Variants in ANO10 observed in about 807,000 individuals in gnomAD.
The protein encoded by ANO10 is anoctamin 10, also known as anoctamin-10.
In ANO10, 77 loss-of-function variants were observed where a neutral mutation model predicts 74.7. The observed-to-expected ratio is 1.03, with a 90% CI of 0.86 to 1.25. ANO10 has a LOEUF of 1.25. Among genes scored for constraint, ANO10 ranks in the 50% most tolerant of loss-of-function variants. The pLI is 0.00. For synonymous variants in ANO10, 279 were observed against 284.9 expected, an observed-to-expected ratio of 0.98 and a Z score of 0.21; for missense variants, 721 against 778.1, an observed-to-expected ratio of 0.93 and a Z score of 0.87.
rs138231435 is a variant in ANO10 at position 43,395,315 on chromosome 3, C to T, written c.1915-28341G>A. ...GTCATTTATCGATTTGTGGATCATA[C>T]GTTTATGGATCATACTTTAGGAATT... On this transcript the variant is annotated intron_variant, in intron 12 of 12. Coordinates refer to ENST00000292246, the MANE Select transcript of ANO10 (RefSeq NM_018075.5). Among the ~76,000 whole-genome samples the T allele has an allele frequency of 5.3e-3, 807 of 152,186 alleles. 13 individuals are homozygous for T. Among genetic ancestry groups the T allele is most frequent in the Admixed American group, 0.013 (206 of 15,286 alleles).
intron 11 of ANO10, among the ~76,000 whole-genome samples, chr3:43,435,976 C>T (rs775484315): frequency 1.2e-4 from 18 of 152,130 alleles, no homozygotes; most frequent in South Asian, 4.1e-4. Flanking sequence ...AGAAAGGAGC[C>T]AATATTGTCT....
intron 9 of ANO10, among the ~76,000 whole-genome samples, chr3:43,558,742 G>A (rs1185614628): frequency 6.6e-6 from 1 of 152,118 alleles, no homozygotes; most frequent in Non-Finnish European, 1.5e-5. Context: ...TTCATGCATA[G>A]GAAACAATCA....
At chr3:43,544,491 A>T (rs1054555219) in intron 11 of ANO10, among the ~76,000 whole-genome samples, 4 of 151,096 alleles carry the variant, frequency 2.6e-5, no homozygotes, top group Non-Finnish European at 5.9e-5. Context: ...ATCAAGCTTT[A>T]AAAAAAAATG....
At chr3:43,668,332 C>A (rs2084016607) in intron 1 of ANO10, among the ~76,000 whole-genome samples, 3 of 149,968 alleles carry the variant, frequency 2.0e-5, no homozygotes. Flanking sequence ...GATATTAGTT[C>A]TTCGTTAGAT....
chr3:43,391,814 C>G (rs890648194), intron 12 of ANO10, among the ~76,000 whole-genome samples: 1 of 152,176 alleles, frequency 6.6e-6, no homozygotes, highest in Non-Finnish European at 1.5e-5. Flanking sequence ...CAGCCATCAC[C>G]TTGACTGTGG....
chr3:43,394,430 T>C (rs977370369), intron 12 of ANO10, among the ~76,000 whole-genome samples: 12 of 152,132 alleles, frequency 7.9e-5, no homozygotes, highest in African/African-American at 2.9e-4. Context: ...CACCCTCACC[T>C]CTTGACCCTA....
At chr3:43,449,562 C>T (rs539324690) in intron 11 of ANO10, among the ~76,000 whole-genome samples, 1 of 126,026 alleles carries the variant, frequency 7.9e-6, no homozygotes. Context: ...TGTTACAGCA[C>T]CCTTTGTTGA....
At chr3:43,436,237 A>G (rs1162557048) in intron 11 of ANO10, among the ~76,000 whole-genome samples, 1 of 152,120 alleles carries the variant, frequency 6.6e-6, no homozygotes, top group Non-Finnish European at 1.5e-5. Flanking sequence ...TCTGAGAAAG[A>G]AAAAAAACCA....
chr3:43,561,232 C>A lies in ANO10; in HGVS notation c.1464G>T (p.Met488Ile). The stretch of plus-strand genomic sequence containing the variant: ...TATTCCAACTTACCAAATAAGTTCC[C>A]ATTTCTTTTTCCAGGATGACTTGTT... Reference protein sequence around the residue: ...LYEQVILEKEMGTYLGTFDDY... With the variant: ...LYEQVILEKEIGTYLGTFDDY... Residue 488 changes from methionine to isoleucine, a missense_variant, in exon 9 of 13, where the codon ATG (methionine) becomes ATT (isoleucine). Coordinates refer to ENST00000292246, the MANE Select transcript of ANO10 (RefSeq NM_018075.5). The A allele has an allele frequency of 1.2e-6, 2 of 1,614,106 alleles. No homozygotes were observed. Among genetic ancestry groups the A allele is most frequent in the South Asian group, 1.1e-5 (1 of 91,074 alleles).
At chr3:43,575,921 G>A (rs557759709) in intron 6 of ANO10, among the ~76,000 whole-genome samples, 6 of 152,348 alleles carry the variant, frequency 3.9e-5, no homozygotes, top group African/African-American at 1.4e-4. Flanking sequence ...CCAGGCGTGA[G>A]CCACTGCGTC....
chr3:43,529,600 A>T (rs2078366442), intron 11 of ANO10, among the ~76,000 whole-genome samples: 1 of 152,254 alleles, frequency 6.6e-6, no homozygotes, highest in Non-Finnish European at 1.5e-5. Flanking sequence ...GAACTAAAAA[A>T]CATATATGTA....
At chr3:43,472,329 C>T (rs1048265651) in intron 11 of ANO10, 2 of 151,792 alleles carry the variant, frequency 1.3e-5, no homozygotes, top group Admixed American at 1.3e-4. Context: ...TACAAAAACA[C>T]ACAGGTCTTT....
chr3:43,468,927 G>T (rs1418758224), intron 11 of ANO10, among the ~76,000 whole-genome samples: 1 of 151,406 alleles, frequency 6.6e-6, no homozygotes, highest in Non-Finnish European at 1.5e-5. Flanking sequence ...AGCCAGGATG[G>T]TCTCAATCTC....
At chr3:43,658,364 G>A (rs2083880861) in intron 1 of ANO10, among the ~76,000 whole-genome samples, 1 of 152,102 alleles carries the variant, frequency 6.6e-6, no homozygotes, top group Non-Finnish European at 1.5e-5. Context: ...TGTGGATAAT[G>A]GGATATTCTA....
intron 12 of ANO10, among the ~76,000 whole-genome samples, chr3:43,416,489 TTTA>T (rs1392441703): frequency 6.6e-6 from 1 of 152,204 alleles, no homozygotes; most frequent in African/African-American, 2.4e-5. Flanking sequence ...CAACCATATT[TTTA>T]TTAATAGGAA....
chr3:43,608,520 C>A (rs2082664585), intron 1 of ANO10, among the ~76,000 whole-genome samples: 1 of 152,146 alleles, frequency 6.6e-6, no homozygotes, highest in African/African-American at 2.4e-5. Context: ...TAGCCTTGGC[C>A]TCCCCAAATT....
rs117331810 is a variant in ANO10, at chr3:43,409,246, G to A, written c.1914+23365C>T. On this transcript the variant is annotated intron_variant, in intron 12 of 12. Coordinates refer to ENST00000292246, the MANE Select transcript of ANO10 (RefSeq NM_018075.5). ...ATGAAGGAATCTATGAAGCTGTGCC[G>A]TTAGGAAATAAAAGGAAGTGTCTGG... is the stretch of plus-strand genomic sequence containing the variant. Among the ~76,000 whole-genome samples, 425 of 152,060 alleles carry A rather than the reference G, an allele frequency of 2.8e-3. 7 individuals are homozygous for A. In the East Asian group the frequency reaches 0.042, roughly 15 times the overall value.
intron 3 of ANO10, among the ~76,000 whole-genome samples, chr3:43,599,662 T>C (rs936572694): frequency 1.3e-5 from 2 of 152,044 alleles, no homozygotes; most frequent in African/African-American, 4.8e-5. Flanking sequence ...TCTCAGCACT[T>C]TGGGAGGCCG....
rs79428138 is a variant in ANO10 at position 43,505,452 on chromosome 3, T to C, written c.1797+44268A>G. Among the ~76,000 whole-genome samples the C allele has an allele frequency of 5.5e-3, 838 of 152,312 alleles. 8 individuals carry two copies. Among genetic ancestry groups the C allele is most frequent in the African/African-American group, 0.019 (782 of 41,578 alleles). ...TCGACTAAGAAGCATGTGTTTTTCATGAGATGTCATCATCTACATGGGTTT... is the reference window on the plus strand; with the variant it reads ...TCGACTAAGAAGCATGTGTTTTTCACGAGATGTCATCATCTACATGGGTTT... On this transcript the variant is annotated intron_variant, in intron 11 of 12. Coordinates refer to ENST00000292246, the MANE Select transcript of ANO10 (RefSeq NM_018075.5).
Sources: gnomAD v4.1 joint callset for allele counts (sites outside exome capture counted in the v4.1 genomes callset) on GRCh38, gnomAD v4.1.1 for gene constraint, MANE v1.5 for transcripts, NCBI Gene and HGNC (gene_info 2026-07-23, HGNC 2026-07-21) for gene names.